Variants in CSMD3 observed in about 807,000 individuals in gnomAD.
CSMD3 encodes the protein CUB and Sushi multiple domains 3.
CSMD3 carries 177 observed loss-of-function variants against 435.2 expected under a neutral mutation model. That is an observed-to-expected ratio of 0.41 (90% CI 0.36 to 0.46). The LOEUF (loss-of-function observed/expected upper bound fraction) is 0.46, where lower values mean the gene tolerates loss of function less well. Among genes scored for constraint, CSMD3 ranks in the 20% least tolerant of loss-of-function variants. The pLI is 0.34. For missense variants in CSMD3, 4,265 were observed against 4,504.6 expected, an observed-to-expected ratio of 0.95 and a Z score of 1.52; for synonymous variants, 1,656 against 1,520.5, an observed-to-expected ratio of 1.09 and a Z score of -2.07.
chr8:112,533,212 AGAG>A (rs1825708517), intron 27 of CSMD3, among the ~76,000 whole-genome samples: 1 of 151,954 alleles, frequency 6.6e-6, no homozygotes, highest in Admixed American at 6.6e-5. Flanking sequence ...AGAAAGAAAA[AGAG>A]GAGTTATAAA....
In CSMD3 at chr8:113,059,835, G is replaced by A. The variant is rs369457841; in HGVS notation, c.917+38921C>T. On this transcript the variant is annotated intron_variant, in intron 5 of 70. Coordinates refer to ENST00000297405, the MANE Select transcript of CSMD3 (RefSeq NM_198123.2). The stretch of plus-strand genomic sequence containing the variant: ...TTGGAAACAGCCCTGGGAATTTTCC[G>A]TTTAAACTGCAGGAGGAAAAATAAG... Among the ~76,000 whole-genome samples, 103 of 152,216 alleles carry A rather than the reference G, an allele frequency of 6.8e-4. No homozygotes were observed. The South Asian group carries it at 0.021, about 31-fold the overall frequency.
chr8:112,967,499 T>A (rs2084468371), intron 7 of CSMD3, among the ~76,000 whole-genome samples: 1 of 151,856 alleles, frequency 6.6e-6, no homozygotes, highest in African/African-American at 2.4e-5. Context: ...AGCTGTTTTT[T>A]TTCCTGGTGT....
At chr8:112,237,607 T>C (rs2129999825) in intron 66 of CSMD3, among the ~76,000 whole-genome samples, 1 of 152,290 alleles carries the variant, frequency 6.6e-6, no homozygotes, top group Admixed American at 6.5e-5. Flanking sequence ...GGTTTATTTT[T>C]AGAACCCAGG....
At chr8:112,623,841 A>G (rs1257263120) in intron 22 of CSMD3, among the ~76,000 whole-genome samples, 1 of 152,092 alleles carries the variant, frequency 6.6e-6, no homozygotes, top group Non-Finnish European at 1.5e-5. Context: ...ACCATCACCT[A>G]GCACAGCATG....
intron 22 of CSMD3, among the ~76,000 whole-genome samples, chr8:112,602,552 G>A (rs1399606356): frequency 1.5e-5 from 2 of 132,098 alleles, no homozygotes; most frequent in African/African-American, 6.1e-5. Flanking sequence ...GGCAACAAGA[G>A]CAAAACTCTG....
intron 4 of CSMD3, among the ~76,000 whole-genome samples, chr8:113,153,916 A>G (rs151213531): frequency 1.9e-3 from 294 of 152,118 alleles, no homozygotes; most frequent in African/African-American, 6.2e-3. Flanking sequence ...TTGTGATGGT[A>G]TGAGAAGAAA....
intron 52 of CSMD3, among the ~76,000 whole-genome samples, chr8:112,302,588 A>G (rs1821033907): frequency 6.6e-6 from 1 of 152,086 alleles, no homozygotes; most frequent in East Asian, 1.9e-4. Context: ...TGAAGACCAC[A>G]AATGAACTGT....
At chr8:113,236,924 A>G (rs759082861) in intron 3 of CSMD3, among the ~76,000 whole-genome samples, 4 of 152,164 alleles carry the variant, frequency 2.6e-5, no homozygotes, top group Non-Finnish European at 5.9e-5. Context: ...TGCCAAACCA[A>G]TAAGAGAACC....
At chr8:112,459,928 C>T (rs1240555768) in intron 32 of CSMD3, among the ~76,000 whole-genome samples, 3 of 152,100 alleles carry the variant, frequency 2.0e-5, no homozygotes, top group East Asian at 1.9e-4. Flanking sequence ...CCTTCTCCAG[C>T]TAACAATTAC....
intron 13 of CSMD3, among the ~76,000 whole-genome samples, chr8:112,783,415 A>AGGGG (rs2132255247): frequency 1.2e-5 from 1 of 85,932 alleles, no homozygotes; most frequent in African/African-American, 6.2e-5. Context: ...GGAAGGAAGG[A>AGGGG]GGGAGGGAGG....
intron 12 of CSMD3, among the ~76,000 whole-genome samples, chr8:112,810,144 T>C (rs987001084): frequency 1.3e-5 from 2 of 152,204 alleles, no homozygotes; most frequent in African/African-American, 4.8e-5. Flanking sequence ...GTTTGACTTG[T>C]CTGGTGCAAT....
chr8:113,389,171 AAT>A (rs1423090273), intron 1 of CSMD3, among the ~76,000 whole-genome samples: 1 of 151,684 alleles, frequency 6.6e-6, no homozygotes, highest in Non-Finnish European at 1.5e-5. Flanking sequence ...AACAGCATGG[AAT>A]AGACCAAGAA....
chr8:113,392,957 A>ATG (rs10562507), intron 1 of CSMD3, among the ~76,000 whole-genome samples: 1,605 of 20,930 alleles, frequency 0.077, 37 homozygotes, highest in African/African-American at 0.14. Flanking sequence ...ATATATATAT[A>ATG]TGTGTGTGTG....
At chr8:113,292,278 A>C (rs1227785436) in intron 2 of CSMD3, among the ~76,000 whole-genome samples, 2 of 151,812 alleles carry the variant, frequency 1.3e-5, no homozygotes, top group Non-Finnish European at 2.9e-5. Context: ...GAAAGAGAGA[A>C]TATTGGCAAG....
chr8:112,746,254 C>G (rs1426504822), intron 13 of CSMD3, among the ~76,000 whole-genome samples: 1 of 152,132 alleles, frequency 6.6e-6, no homozygotes, highest in Non-Finnish European at 1.5e-5. Context: ...AGCATTATTA[C>G]TGCAATAACT....
intron 1 of CSMD3, among the ~76,000 whole-genome samples, chr8:113,403,218 A>G (rs940495912): frequency 2.6e-5 from 4 of 151,384 alleles, no homozygotes; most frequent in African/African-American, 7.2e-5. Context: ...TATTACAAAT[A>G]TGATGAATAA....
intron 5 of CSMD3, among the ~76,000 whole-genome samples, chr8:113,030,261 G>T (rs977223757): frequency 2.7e-5 from 4 of 148,620 alleles, no homozygotes; most frequent in African/African-American, 9.8e-5. Flanking sequence ...ATTCATTACA[G>T]AATTAGAAAA....
At chr8:113,026,451 A>T (rs2086879585) in intron 5 of CSMD3, among the ~76,000 whole-genome samples, 1 of 152,208 alleles carries the variant, frequency 6.6e-6, no homozygotes, top group African/African-American at 2.4e-5. Flanking sequence ...GACAAGTACC[A>T]GGCATCTCTA....
rs911851662 is a variant in CSMD3 at position 112,941,635 on chromosome 8, A to G, written c.1508+6155T>C. 2.6e-5 allele frequency among the ~76,000 whole-genome samples: 4 copies of G among 151,834 alleles called. No homozygotes were observed. In the South Asian group the frequency reaches 8.3e-4, roughly 31 times the overall value. ...ACTGCAATGTTAGGAAAATCATGAA[A>G]CAGTAAATATCTGAGGTTGTAACAA... On this transcript the variant is annotated intron_variant, in intron 9 of 70. Coordinates refer to ENST00000297405, the MANE Select transcript of CSMD3 (RefSeq NM_198123.2).
Sources: gnomAD v4.1 joint callset for allele counts (sites outside exome capture counted in the v4.1 genomes callset) on GRCh38, gnomAD v4.1.1 for gene constraint, MANE v1.5 for transcripts, NCBI Gene and HGNC (gene_info 2026-07-23, HGNC 2026-07-21) for gene names.